CNTNAP4: variants seen among roughly 807,000 people sequenced by gnomAD.
The protein encoded by CNTNAP4 is contactin-associated protein-like 4.
A neutral mutation model predicts 148.4 loss-of-function variants in CNTNAP4; 98 were observed. The observed-to-expected ratio is 0.66, with a 90% CI of 0.56 to 0.78. CNTNAP4 has a LOEUF of 0.78. Ranked by LOEUF, CNTNAP4 falls within the 30% of genes least tolerant of loss-of-function variation. CNTNAP4 has a pLI of 0.00. For missense variants in CNTNAP4, 1,935 were observed against 1,565.6 expected (o/e 1.24, Z -3.98); for synonymous variants, 730 against 565.1 (o/e 1.29, Z -4.14).
chr16:76,553,508 T>TA lies in CNTNAP4; in HGVS notation c.3661+8dup. The TA allele has an allele frequency of 6.3e-7, 1 of 1,595,220 alleles. No individual in the cohort carries two copies. Among genetic ancestry groups the TA allele is most frequent in the Non-Finnish European group, 8.6e-7 (1 of 1,166,774 alleles). On this transcript the variant is annotated splice_region_variant and intron_variant, in intron 22 of 23. Coordinates refer to ENST00000611870, the MANE Select transcript of CNTNAP4 (RefSeq NM_033401.5). ...AGGACACACTCGTTTGCAGGTGACTTAGAGTTCTTCCTCTACTCAGTCACA... is the reference window on the plus strand; with the variant it reads ...AGGACACACTCGTTTGCAGGTGACTTAAGAGTTCTTCCTCTACTCAGTCACA...
chr16:76,365,720 C>A (rs988239386), intron 3 of CNTNAP4, among the ~76,000 whole-genome samples: 1 of 148,396 alleles, frequency 6.7e-6, no homozygotes, highest in East Asian at 2.0e-4. Flanking sequence ...CCACTGCACT[C>A]CTTCCTGGGG....
chr16:76,495,935 C>T (rs1483556535), intron 14 of CNTNAP4, among the ~76,000 whole-genome samples: 1 of 151,958 alleles, frequency 6.6e-6, no homozygotes, highest in African/African-American at 2.4e-5. Flanking sequence ...AGTTAGGAAA[C>T]ATCAACTAAA....
At chr16:76,410,025 CTG>C (rs779834752) in intron 3 of CNTNAP4, among the ~76,000 whole-genome samples, 9 of 151,746 alleles carry the variant, frequency 5.9e-5, no homozygotes, top group Non-Finnish European at 1.0e-4. Context: ...GATAAAGAAA[CTG>C]AGGTTTAGGA....
At chr16:76,352,460 C>T (rs1023804291) in intron 2 of CNTNAP4, among the ~76,000 whole-genome samples, 14 of 152,146 alleles carry the variant, frequency 9.2e-5, no homozygotes, top group African/African-American at 3.1e-4. Context: ...CCACTGGGAA[C>T]CACTGATTCC....
At chr16:76,437,256 C>A (rs2145118877) in intron 4 of CNTNAP4, among the ~76,000 whole-genome samples, 1 of 152,170 alleles carries the variant, frequency 6.6e-6, no homozygotes, top group African/African-American at 2.4e-5. Context: ...GGTGGGTCTG[C>A]CTTCCCCAGC....
chr16:76,497,892 A>G (rs2082459050), intron 14 of CNTNAP4, among the ~76,000 whole-genome samples: 1 of 152,182 alleles, frequency 6.6e-6, no homozygotes, highest in Non-Finnish European at 1.5e-5. Context: ...AAGAAATCAT[A>G]TGGGGGAAAC....
Position 76,316,407 on chromosome 16 carries a change from T to C in CNTNAP4, c.86-6T>C. The C allele has an allele frequency of 6.2e-7, 1 of 1,607,652 alleles. No homozygotes were observed. The highest frequency in any genetic ancestry group is 8.5e-7 in the Non-Finnish European group (1 of 1,174,286). ...AACCCTAACGTGGCATTGTTCCTCC[T>C]GGCAGATGACTGTGATGATCCTCTT... On this transcript the variant is annotated splice_region_variant and splice_polypyrimidine_tract_variant and intron_variant, in intron 1 of 23. Coordinates refer to ENST00000611870, the MANE Select transcript of CNTNAP4 (RefSeq NM_033401.5).
intron 17 of CNTNAP4, among the ~76,000 whole-genome samples, chr16:76,524,623 T>G (rs1463508822): frequency 2.6e-5 from 4 of 152,162 alleles, no homozygotes; most frequent in African/African-American, 9.7e-5. Flanking sequence ...GAAAACTGCT[T>G]TAAAACAGAC....
At chr16:76,387,040 A>G (rs921055378) in intron 3 of CNTNAP4, among the ~76,000 whole-genome samples, 3 of 91,936 alleles carry the variant, frequency 3.3e-5, no homozygotes, top group African/African-American at 9.6e-5. Flanking sequence ...GAATTGTCTC[A>G]TAAAGCCTCC....
chr16:76,432,320 C>T (rs2079640899), intron 4 of CNTNAP4, among the ~76,000 whole-genome samples: 1 of 152,110 alleles, frequency 6.6e-6, no homozygotes, highest in Admixed American at 6.6e-5. Context: ...AGGGCAGTAA[C>T]TTGTTATGAA....
At chr16:76,442,826 A>G (rs2080096951) in intron 4 of CNTNAP4, among the ~76,000 whole-genome samples, 1 of 152,142 alleles carries the variant, frequency 6.6e-6, no homozygotes, top group African/African-American at 2.4e-5. Flanking sequence ...ACAAATTTCA[A>G]TATGAGTTTT....
At chr16:76,447,945 G>T (rs1333116161) in intron 4 of CNTNAP4, 67 bp from the exon 5 acceptor site, 3 of 1,140,200 alleles carry the variant, frequency 2.6e-6, no homozygotes, top group Non-Finnish European at 3.9e-6. Flanking sequence ...AATATATAAT[G>T]CATTTAAAAT....
chr16:76,471,496 C>G (rs922814588), intron 10 of CNTNAP4, among the ~76,000 whole-genome samples: 1 of 152,156 alleles, frequency 6.6e-6, no homozygotes, highest in African/African-American at 2.4e-5. Flanking sequence ...TTCCTTGCCT[C>G]CAGCCTCTGC....
At chr16:76,451,959 C>T (rs1032146925) in intron 7 of CNTNAP4, among the ~76,000 whole-genome samples, 5 of 151,876 alleles carry the variant, frequency 3.3e-5, no homozygotes, top group African/African-American at 9.7e-5. Flanking sequence ...TTGCTCATTA[C>T]GTATTATATA....
chr16:76,466,197 C>G (rs1367290176), intron 9 of CNTNAP4, among the ~76,000 whole-genome samples: 1 of 152,080 alleles, frequency 6.6e-6, no homozygotes, highest in Non-Finnish European at 1.5e-5. Flanking sequence ...TCTTTCTGTG[C>G]CTGGCTTATT....
At chr16:76,418,556 A>G (rs1321409620) in intron 3 of CNTNAP4, among the ~76,000 whole-genome samples, 1 of 151,700 alleles carries the variant, frequency 6.6e-6, no homozygotes, top group East Asian at 1.9e-4. Flanking sequence ...ATTCTTTTGC[A>G]GAGTTTTCAT....
chr16:76,292,363 A>T (rs1959149326), intron 1 of CNTNAP4, among the ~76,000 whole-genome samples: 1 of 152,168 alleles, frequency 6.6e-6, no homozygotes, highest in Admixed American at 6.5e-5. Context: ...GTGGGTACAG[A>T]CTGTCATGTA....
At chr16:76,323,379 G>A (rs139234733) in intron 2 of CNTNAP4, among the ~76,000 whole-genome samples, 1 of 151,848 alleles carries the variant, frequency 6.6e-6, no homozygotes, top group Non-Finnish European at 1.5e-5. Context: ...TTTGATAAAG[G>A]TTGGAAAATA....
At chr16:76,450,611 A>T (rs1325649928) in intron 7 of CNTNAP4, among the ~76,000 whole-genome samples, 1 of 152,248 alleles carries the variant, frequency 6.6e-6, no homozygotes, top group African/African-American at 2.4e-5. Flanking sequence ...AACAGACAAC[A>T]GCATGTAAGA....
Sources: gnomAD v4.1 joint callset for allele counts (sites outside exome capture counted in the v4.1 genomes callset) on GRCh38, gnomAD v4.1.1 for gene constraint, MANE v1.5 for transcripts, NCBI Gene and HGNC (gene_info 2026-07-23, HGNC 2026-07-21) for gene names.